CHCHD3: variants seen among roughly 807,000 people sequenced by gnomAD.
The protein encoded by CHCHD3 is MICOS complex subunit MIC19.
Under a neutral mutation model 38.2 loss-of-function variants are expected in CHCHD3, and 20 were observed. The observed-to-expected ratio is 0.52, with a 90% CI of 0.37 to 0.76. CHCHD3 has a LOEUF of 0.76. Among genes scored for constraint, CHCHD3 ranks in the 30% least tolerant of loss-of-function variants. The probability of loss-of-function intolerance (pLI) is 0.00; values close to 1 mark genes in which losing one functional copy is unlikely to be tolerated. For synonymous variants in CHCHD3, 82 were observed against 100.0 expected (o/e 0.82, Z 1.07); for missense variants, 245 against 279.2 (o/e 0.88, Z 0.87).
intron 6 of CHCHD3, among the ~76,000 whole-genome samples, chr7:132,808,814 C>G (rs1806995231): frequency 6.6e-6 from 1 of 151,658 alleles, no homozygotes; most frequent in Non-Finnish European, 1.5e-5. Context: ...ATACATGTGC[C>G]ATGCTGGTAC....
At chr7:132,827,153 T>G (rs1043859459) in intron 6 of CHCHD3, among the ~76,000 whole-genome samples, 1 of 152,202 alleles carries the variant, frequency 6.6e-6, no homozygotes, top group African/African-American at 2.4e-5. Context: ...AAATTACAGA[T>G]AGAAACTGGG....
intron 3 of CHCHD3, among the ~76,000 whole-genome samples, chr7:133,003,961 A>ATT (rs35444691): frequency 0.21 from 30,987 of 147,588 alleles, 3,424 homozygotes; most frequent in South Asian, 0.28. Context: ...TATCTTAAAG[A>ATT]TTTTTTTTTT....
At chr7:132,847,573 G>A (rs1314918352) in intron 5 of CHCHD3, among the ~76,000 whole-genome samples, 5 of 152,172 alleles carry the variant, frequency 3.3e-5, no homozygotes, top group Non-Finnish European at 5.9e-5. Flanking sequence ...GCTGGCCGTG[G>A]CCCAGGATTT....
intron 4 of CHCHD3, among the ~76,000 whole-genome samples, chr7:132,966,958 TGCC>T (rs1811480783): frequency 6.6e-6 from 1 of 152,182 alleles, no homozygotes; most frequent in African/African-American, 2.4e-5. Flanking sequence ...TCACAATGAA[TGCC>T]ACGTCATCAT....
intron 6 of CHCHD3, among the ~76,000 whole-genome samples, chr7:132,823,101 G>C (rs1198449360): frequency 1.3e-5 from 2 of 152,116 alleles, no homozygotes; most frequent in Non-Finnish European, 2.9e-5. Flanking sequence ...AAATGTGAAA[G>C]GCTAAATATC....
chr7:132,868,535 C>A (rs1278841409), intron 5 of CHCHD3, among the ~76,000 whole-genome samples: 2 of 152,062 alleles, frequency 1.3e-5, no homozygotes, highest in Non-Finnish European at 2.9e-5. Flanking sequence ...ACGAAAAGGG[C>A]TTTGGTGATT....
intron 6 of CHCHD3, among the ~76,000 whole-genome samples, chr7:132,836,260 C>T (rs1050042918): frequency 1.3e-5 from 2 of 152,112 alleles, no homozygotes; most frequent in African/African-American, 4.8e-5. Context: ...GCTGGGATTA[C>T]AGGCATGCAC....
intron 4 of CHCHD3, among the ~76,000 whole-genome samples, chr7:132,957,926 C>T (rs1811222931): frequency 6.6e-6 from 1 of 152,180 alleles, no homozygotes; most frequent in Non-Finnish European, 1.5e-5. Context: ...ATTTGGAAGA[C>T]TAGTTTGTCA....
chr7:132,984,920 G>A (rs1812053520), intron 3 of CHCHD3, among the ~76,000 whole-genome samples: 2 of 89,190 alleles, frequency 2.2e-5, no homozygotes, highest in Admixed American at 1.1e-4. Flanking sequence ...CCCCCCGCCC[G>A]GCCAGCCGCC....
intron 3 of CHCHD3, among the ~76,000 whole-genome samples, chr7:133,010,101 C>T (rs1218542513): frequency 6.6e-6 from 1 of 152,162 alleles, no homozygotes; most frequent in Non-Finnish European, 1.5e-5. Context: ...ATGTTGGGAA[C>T]GGGCTTGGAG....
chr7:132,840,740 T>C (rs962880997), intron 5 of CHCHD3, among the ~76,000 whole-genome samples: 4 of 152,188 alleles, frequency 2.6e-5, no homozygotes, highest in African/African-American at 9.7e-5. Context: ...TAGGTATAGA[T>C]TCTAAATGGT....
chr7:132,985,338 C>A (rs1400040008), intron 3 of CHCHD3, among the ~76,000 whole-genome samples: 1 of 69,312 alleles, frequency 1.4e-5, no homozygotes. Flanking sequence ...AGTGAGGAGT[C>A]CCTCTGCCCG....
chr7:132,810,677 T>C (rs1363682162), intron 6 of CHCHD3, among the ~76,000 whole-genome samples: 2 of 152,222 alleles, frequency 1.3e-5, no homozygotes, highest in African/African-American at 4.8e-5. Context: ...GATATATTAC[T>C]GTAGGACCAA....
At chr7:132,988,033 A>G (rs950986488) in intron 3 of CHCHD3, among the ~76,000 whole-genome samples, 1 of 152,248 alleles carries the variant, frequency 6.6e-6, no homozygotes, top group African/African-American at 2.4e-5. Flanking sequence ...AACATACAAA[A>G]TATGTGTTAA....
intron 2 of CHCHD3, among the ~76,000 whole-genome samples, chr7:133,032,839 T>C (rs1215446905): frequency 6.6e-6 from 1 of 152,192 alleles, no homozygotes; most frequent in African/African-American, 2.4e-5. Flanking sequence ...TAATTACCTT[T>C]GGATATTGCT....
At chr7:132,873,699 G>T (rs1808825138) in intron 5 of CHCHD3, among the ~76,000 whole-genome samples, 1 of 152,032 alleles carries the variant, frequency 6.6e-6, no homozygotes, top group Non-Finnish European at 1.5e-5. Flanking sequence ...ACCAGGTTTT[G>T]GGATAATATA....
intron 4 of CHCHD3, among the ~76,000 whole-genome samples, chr7:132,953,130 G>C (rs980518767): frequency 1.3e-5 from 2 of 152,106 alleles, no homozygotes; most frequent in Non-Finnish European, 2.9e-5. Flanking sequence ...GTGATAGCTA[G>C]TCTATAAAAT....
intron 4 of CHCHD3, among the ~76,000 whole-genome samples, chr7:132,892,017 G>A (rs966339724): frequency 6.6e-6 from 1 of 152,126 alleles, no homozygotes; most frequent in African/African-American, 2.4e-5. Context: ...CTACTCTTGG[G>A]TAGTATCTTT....
At chr7:132,840,527 T>C (rs1807914846) in intron 5 of CHCHD3, among the ~76,000 whole-genome samples, 1 of 152,210 alleles carries the variant, frequency 6.6e-6, no homozygotes, top group South Asian at 2.1e-4. Context: ...AGCAGGTCTT[T>C]AATCTCCCCC....
Sources: gnomAD v4.1 joint callset for allele counts (sites outside exome capture counted in the v4.1 genomes callset) on GRCh38, gnomAD v4.1.1 for gene constraint, MANE v1.5 for transcripts, NCBI Gene and HGNC (gene_info 2026-07-23, HGNC 2026-07-21) for gene names.